Variants in B3GALT1 observed in about 807,000 individuals in gnomAD.
B3GALT1 encodes beta-1,3-galactosyltransferase 1.
Under a neutral mutation model 23.2 loss-of-function variants are expected in B3GALT1, and 10 were observed. The ratio of observed to expected loss-of-function variants is 0.43; its 90% CI spans 0.27 to 0.73. B3GALT1 has a LOEUF of 0.73. B3GALT1 is among the 30% of genes least tolerant of loss of function. The pLI is 0.21. For missense variants in B3GALT1, 299 were observed against 405.4 expected (o/e 0.74, Z 2.25); for synonymous variants, 156 against 141.5 (o/e 1.10, Z -0.73).
chr2:167,479,355 A>G (rs767021673), intron 1 of B3GALT1, among the ~76,000 whole-genome samples: 3 of 152,174 alleles, frequency 2.0e-5, no homozygotes, highest in African/African-American at 7.2e-5. Flanking sequence ...ATGCATGTAT[A>G]TTTTAGATCA....
chr2:167,619,474 G>A (rs1685220095), intron 2 of B3GALT1, among the ~76,000 whole-genome samples: 1 of 152,040 alleles, frequency 6.6e-6, no homozygotes, highest in Admixed American at 6.6e-5. Flanking sequence ...TGGAGTGCCT[G>A]ACCGTAATAG....
intron 1 of B3GALT1, among the ~76,000 whole-genome samples, chr2:167,382,228 G>A (rs1319614888): frequency 2.0e-5 from 3 of 151,992 alleles, no homozygotes; most frequent in African/African-American, 7.2e-5. Flanking sequence ...GTTTGGAATT[G>A]GTAGTCCAAT....
chr2:167,779,109 T>G (rs1227968209), intron 3 of B3GALT1, among the ~76,000 whole-genome samples: 1 of 152,234 alleles, frequency 6.6e-6, no homozygotes, highest in Non-Finnish European at 1.5e-5. Context: ...TAAGAAGAAT[T>G]TACAAAATAG....
intron 1 of B3GALT1, among the ~76,000 whole-genome samples, chr2:167,411,162 A>G (rs755095818): frequency 1.1e-4 from 17 of 151,986 alleles, no homozygotes; most frequent in Non-Finnish European, 1.9e-4. Context: ...CCTCAAAAAA[A>G]TTACAGGGAA....
At chr2:167,774,989 A>T (rs1421822781) in intron 3 of B3GALT1, among the ~76,000 whole-genome samples, 9 of 152,190 alleles carry the variant, frequency 5.9e-5, no homozygotes, top group African/African-American at 2.2e-4. Context: ...TGATGAGATT[A>T]CCTTTTGATA....
intron 1 of B3GALT1, among the ~76,000 whole-genome samples, chr2:167,403,863 G>T (rs1010516188): frequency 1.3e-5 from 2 of 152,100 alleles, no homozygotes; most frequent in Non-Finnish European, 2.9e-5. Context: ...GTTAAGGCCT[G>T]ATCTTGAAAA....
At chr2:167,777,063 G>C (rs1688173432) in intron 3 of B3GALT1, among the ~76,000 whole-genome samples, 1 of 152,040 alleles carries the variant, frequency 6.6e-6, no homozygotes, top group South Asian at 2.1e-4. Flanking sequence ...GTGACTATTG[G>C]AGAGAAAAAG....
Position 167,868,988 on chromosome 2 carries a change from G to A in B3GALT1, c.-52G>A. On this transcript the variant is annotated 5_prime_UTR_variant, in exon 5 of 5. The change creates a new upstream start codon in the 5' untranslated region. Coordinates refer to ENST00000392690, the MANE Select transcript of B3GALT1 (RefSeq NM_020981.4). Reference sequence around the variant, plus strand: ...GCCTTTGGAAGATGAAAACAAACTAGTGCCAAGGAGGCGTATTCTTCAATA... The same window carrying A: ...GCCTTTGGAAGATGAAAACAAACTAATGCCAAGGAGGCGTATTCTTCAATA... The A allele has an allele frequency of 6.6e-7, 1 of 1,522,418 alleles. No individual in the cohort carries two copies. 94.3% of individuals were successfully genotyped at this position (1,522,418 alleles called of 1,614,324 possible). A position where few individuals can be genotyped will look rare whatever the true frequency, so the allele number is the denominator to read the frequency against.
chr2:167,450,552 C>A (rs1699072859), intron 1 of B3GALT1, among the ~76,000 whole-genome samples: 1 of 152,180 alleles, frequency 6.6e-6, no homozygotes, highest in South Asian at 2.1e-4. Flanking sequence ...AGTGTTTCTG[C>A]TGAGAAATCT....
At chr2:167,547,188 C>A (rs924079859) in intron 2 of B3GALT1, among the ~76,000 whole-genome samples, 1 of 152,146 alleles carries the variant, frequency 6.6e-6, no homozygotes, top group Non-Finnish European at 1.5e-5. Context: ...CTAAAACCTT[C>A]CACCATGAGA....
At chr2:167,591,640 T>C (rs1684684600) in intron 2 of B3GALT1, among the ~76,000 whole-genome samples, 1 of 151,880 alleles carries the variant, frequency 6.6e-6, no homozygotes, top group Admixed American at 6.6e-5. Flanking sequence ...ACACTGCTAA[T>C]TTTTTTTATT....
intron 2 of B3GALT1, among the ~76,000 whole-genome samples, chr2:167,587,721 T>G (rs1315802361): frequency 1.3e-5 from 2 of 152,242 alleles, no homozygotes; most frequent in Non-Finnish European, 2.9e-5. Flanking sequence ...CACAAGACCA[T>G]TTGAATTACA....
chr2:167,379,223 A>G (rs898246214), intron 1 of B3GALT1, among the ~76,000 whole-genome samples: 8 of 151,976 alleles, frequency 5.3e-5, no homozygotes, highest in Non-Finnish European at 8.8e-5. Flanking sequence ...AAACCATCAG[A>G]TCTCGTGAGA....
chr2:167,314,066 C>T (rs1023987432), intron 1 of B3GALT1, among the ~76,000 whole-genome samples: 9 of 152,092 alleles, frequency 5.9e-5, no homozygotes, highest in African/African-American at 1.9e-4. Flanking sequence ...ACACAAAAGA[C>T]TTTGTCACCA....
intron 1 of B3GALT1, among the ~76,000 whole-genome samples, chr2:167,412,660 T>G (rs71428974): frequency 0.1 from 15,547 of 152,142 alleles, 1,095 homozygotes; most frequent in East Asian, 0.27. Context: ...ACAACCACTT[T>G]GGAAAACTGC....
chr2:167,316,118 A>T (rs1354668342), intron 1 of B3GALT1, among the ~76,000 whole-genome samples: 1 of 150,846 alleles, frequency 6.6e-6, no homozygotes, highest in East Asian at 1.9e-4. Flanking sequence ...ATAGAGATAG[A>T]GGGGAAAATG....
rs146095670 is a variant in B3GALT1, at chr2:167,338,869, G to A, written c.-511+45535G>A. Among the ~76,000 whole-genome samples, 719 of 152,086 alleles carry A rather than the reference G, an allele frequency of 4.7e-3. 10 individuals carry two copies. The highest frequency in any genetic ancestry group is 0.017 in the African/African-American group (688 of 41,528). On this transcript the variant is annotated intron_variant, in intron 1 of 4. Transcript: ENST00000392690. ...TTAATCAAGAAGTCATTGATATTTA[G>A]CATATATAAAAATCCTCCAATAAAT...
At chr2:167,701,544 A>G (rs1686882231) in intron 3 of B3GALT1, among the ~76,000 whole-genome samples, 1 of 152,236 alleles carries the variant, frequency 6.6e-6, no homozygotes, top group African/African-American at 2.4e-5. Flanking sequence ...TTTCATAACA[A>G]TAAAAATAAG....
chr2:167,505,946 G>T (rs1444414267), intron 2 of B3GALT1, among the ~76,000 whole-genome samples: 1 of 152,034 alleles, frequency 6.6e-6, no homozygotes, highest in Non-Finnish European at 1.5e-5. Context: ...TGTAGTCCCG[G>T]CTACTTGGGA....
Sources: gnomAD v4.1 joint callset for allele counts (sites outside exome capture counted in the v4.1 genomes callset) on GRCh38, gnomAD v4.1.1 for gene constraint, MANE v1.5 for transcripts, NCBI Gene and HGNC (gene_info 2026-07-23, HGNC 2026-07-21) for gene names.